Variants in CNTN1 observed in about 807,000 individuals in gnomAD.
CNTN1 encodes the protein contactin 1.
CNTN1 carries 38 observed loss-of-function variants against 126.4 expected under a neutral mutation model. The observed-to-expected ratio is 0.30, with a 90% CI of 0.23 to 0.39. The LOEUF (loss-of-function observed/expected upper bound fraction) is 0.39, where lower values mean the gene tolerates loss of function less well. Among genes scored for constraint, CNTN1 ranks in the 10% least tolerant of loss-of-function variants. The pLI is 1.00. For missense variants in CNTN1, 1,009 were observed against 1,248.4 expected (o/e 0.81, Z 2.89); for synonymous variants, 413 against 422.6 (o/e 0.98, Z 0.28).
intron 15 of CNTN1, among the ~76,000 whole-genome samples, chr12:40,966,154 G>A (rs945473250): frequency 6.6e-6 from 1 of 151,976 alleles, no homozygotes; most frequent in Non-Finnish European, 1.5e-5. Context: ...TCAAGTATTT[G>A]GGGCAGAAAA....
Position 40,966,036 on chromosome 12 carries a change from A to ACG in CNTN1, c.1804+6803_1804+6804insGC, listed in dbSNP as rs1555190370. On this transcript the variant is annotated intron_variant, in intron 15 of 23. Transcript: ENST00000551295. Reference sequence around the variant, plus strand: ...CACACACACACACACACACACACACACACGCACGCATTGGAAGAGATCCAG... The same window carrying ACG: ...CACACACACACACACACACACACACACGCACGCACGCATTGGAAGAGATCCAG... Among the ~76,000 whole-genome samples, 180 of 149,306 alleles carry ACG rather than the reference A, an allele frequency of 1.2e-3. 1 individual carries two copies. Among genetic ancestry groups the ACG allele is most frequent in the East Asian group, 0.011 (54 of 5,064 alleles).
Position 41,027,912 on chromosome 12 carries a change from A to G in CNTN1, c.2766A>G (p.Ile922Met). Residue 922 changes from isoleucine (I) to methionine (M), a missense_variant, in exon 22 of 24, where the codon ATA becomes ATG. Ile to Met is a conservative substitution (Grantham distance 10). Coordinates refer to ENST00000551295, the MANE Select transcript of CNTN1 (RefSeq NM_001843.4). ...CAGTAAGGTCTGGTTCACGCTATAT[A>G]ATCACCTGGGATCATGTCGTTGCAC... Reference protein sequence around the residue: ...ISSVRSGSRYIITWDHVVALS... With the variant: ...ISSVRSGSRYMITWDHVVALS... The G allele has an allele frequency of 6.2e-7, 1 of 1,613,932 alleles. No individual in the cohort carries two copies. Among genetic ancestry groups the G allele is most frequent in the Non-Finnish European group, 8.5e-7 (1 of 1,179,812 alleles).
chr12:41,043,001 A>T (rs1030351471), intron 23 of CNTN1, among the ~76,000 whole-genome samples: 15 of 152,220 alleles, frequency 9.9e-5, no homozygotes, highest in African/African-American at 3.4e-4. Context: ...AAATTAATTC[A>T]AGATGGATTA....
chr12:40,857,096 T>G (rs117663787), intron 1 of CNTN1, among the ~76,000 whole-genome samples: 1 of 152,144 alleles, frequency 6.6e-6, no homozygotes, highest in African/African-American at 2.4e-5. Context: ...GGGGGTTTTG[T>G]AGGCAAAAAC....
intron 1 of CNTN1, among the ~76,000 whole-genome samples, chr12:40,791,372 G>A (rs1940215186): frequency 6.6e-6 from 1 of 152,028 alleles, no homozygotes; most frequent in Non-Finnish European, 1.5e-5. Context: ...TCTCTGCTAT[G>A]GTCTAAAATT....
intron 1 of CNTN1, among the ~76,000 whole-genome samples, chr12:40,774,720 C>G (rs1939508695): frequency 6.6e-6 from 1 of 151,312 alleles, no homozygotes; most frequent in African/African-American, 2.4e-5. Context: ...AATCTTCTTG[C>G]ACTAAGAGAA....
chr12:40,846,193 G>GT lies in CNTN1; in HGVS notation c.-76-62163dup, dbSNP rs1448292433. ...ATAAATGGCAGGGATTGGGGTGAGG[G>GT]TAAAAAAAAAATGGCTCACGCCTGT... is the stretch of plus-strand genomic sequence containing the variant. On this transcript the variant is annotated intron_variant, in intron 1 of 23. Coordinates refer to ENST00000551295, the MANE Select transcript of CNTN1 (RefSeq NM_001843.4). Among the ~76,000 whole-genome samples the GT allele has an allele frequency of 1.3e-4, 19 of 151,986 alleles. No homozygotes were observed. In the East Asian group the frequency reaches 3.5e-3, roughly 28 times the overall value.
chr12:40,726,333 AC>A (rs1370598564), intron 1 of CNTN1, among the ~76,000 whole-genome samples: 1 of 152,236 alleles, frequency 6.6e-6, no homozygotes, highest in Non-Finnish European at 1.5e-5. Flanking sequence ...ATGAAGAAGT[AC>A]CACACACTGG....
intron 1 of CNTN1, among the ~76,000 whole-genome samples, chr12:40,714,130 A>T (rs539972600): frequency 6.7e-4 from 102 of 152,234 alleles, no homozygotes; most frequent in African/African-American, 2.3e-3. Context: ...TTACAATTGG[A>T]ATTTGACTTA....
rs1478483100 is a variant in CNTN1, at chr12:40,943,477, G to A, written c.1380-120G>A. On this transcript the variant is annotated intron_variant, in intron 12 of 23. Transcript: ENST00000551295. ...AATTTGTCATCTTACAAAAATGTCTGTGGTCGCATGATTTATATAGAATGT... is the reference window on the plus strand; with the variant it reads ...AATTTGTCATCTTACAAAAATGTCTATGGTCGCATGATTTATATAGAATGT... The A allele has an allele frequency of 4.1e-6, 3 of 726,838 alleles. No homozygotes were observed. The African/African-American group carries it at 5.4e-5, about 13-fold the overall frequency. The allele number at this position is 726,838 out of a possible 1,614,324, so 45.0% of individuals were successfully genotyped here. A position where few individuals can be genotyped will look rare whatever the true frequency, so the allele number is the denominator to read the frequency against.
chr12:40,827,806 G>T (rs978790023), intron 1 of CNTN1, among the ~76,000 whole-genome samples: 1 of 152,080 alleles, frequency 6.6e-6, no homozygotes, highest in African/African-American at 2.4e-5. Context: ...TGGTGGTGAG[G>T]TGATCAATAG....
chr12:40,728,866 C>T (rs917184677), intron 1 of CNTN1: 3 of 152,166 alleles, frequency 2.0e-5, no homozygotes, highest in Non-Finnish European at 2.9e-5. Context: ...TATTGTCCTA[C>T]CTGCATCAAC....
At chr12:41,048,135 A>G (rs1454127966) in intron 23 of CNTN1, among the ~76,000 whole-genome samples, 1 of 152,094 alleles carries the variant, frequency 6.6e-6, no homozygotes, top group Non-Finnish European at 1.5e-5. Context: ...TTAACTCACT[A>G]CTTGCTCCAA....
At chr12:40,767,597 G>A (rs1939163113) in intron 1 of CNTN1, among the ~76,000 whole-genome samples, 1 of 149,100 alleles carries the variant, frequency 6.7e-6, no homozygotes, top group African/African-American at 2.5e-5. Context: ...CATGAGCCAC[G>A]GCTCCTGGCC....
At chr12:40,712,589 C>T (rs543279464) in intron 1 of CNTN1, among the ~76,000 whole-genome samples, 15 of 152,042 alleles carry the variant, frequency 9.9e-5, no homozygotes, top group Non-Finnish European at 2.2e-4. Context: ...GCAAGCCCAA[C>T]CAACCCCATA....
intron 1 of CNTN1, among the ~76,000 whole-genome samples, chr12:40,803,956 A>C (rs1208032721): frequency 1.3e-5 from 2 of 152,030 alleles, no homozygotes; most frequent in Non-Finnish European, 2.9e-5. Flanking sequence ...GCTATGATTC[A>C]CTTACAATTA....
intron 15 of CNTN1, among the ~76,000 whole-genome samples, chr12:40,968,382 G>C (rs1452695860): frequency 2.0e-5 from 3 of 151,982 alleles, no homozygotes; most frequent in Non-Finnish European, 4.4e-5. Flanking sequence ...TATTACAAGG[G>C]AAACTATAGT....
At chr12:40,803,963 A>G (rs1009385691) in intron 1 of CNTN1, among the ~76,000 whole-genome samples, 3 of 152,024 alleles carry the variant, frequency 2.0e-5, no homozygotes, top group African/African-American at 7.2e-5. Flanking sequence ...TTCACTTACA[A>G]TTACCTACCA....
chr12:40,942,002 T>A (rs999695322), intron 12 of CNTN1, among the ~76,000 whole-genome samples: 1 of 152,116 alleles, frequency 6.6e-6, no homozygotes, highest in African/African-American at 2.4e-5. Context: ...GTATACCCTT[T>A]AAAGATGGTA....
Sources: gnomAD v4.1 joint callset for allele counts (sites outside exome capture counted in the v4.1 genomes callset) on GRCh38, gnomAD v4.1.1 for gene constraint, MANE v1.5 for transcripts, NCBI Gene and HGNC (gene_info 2026-07-23, HGNC 2026-07-21) for gene names.